ROBO2: variants seen among roughly 807,000 people sequenced by gnomAD.
ROBO2 encodes the protein roundabout guidance receptor 2.
ROBO2 carries 53 observed loss-of-function variants against 160.8 expected under a neutral mutation model. The ratio of observed to expected loss-of-function variants is 0.33; its 90% CI spans 0.26 to 0.41. The LOEUF (loss-of-function observed/expected upper bound fraction) is 0.41, where lower values mean the gene tolerates loss of function less well. ROBO2 is among the 10% of genes least tolerant of loss of function. ROBO2 has a pLI of 1.00. For synonymous variants in ROBO2, 664 were observed against 611.7 expected (o/e 1.09, Z -1.26); for missense variants, 1,577 against 1,722.4 (o/e 0.92, Z 1.49).
intron 2 of ROBO2, among the ~76,000 whole-genome samples, chr3:76,023,704 A>T (rs1180154263): frequency 2.6e-5 from 4 of 151,660 alleles, no homozygotes; most frequent in Admixed American, 1.3e-4. Flanking sequence ...ATATAATGAC[A>T]ATGAAAAAAT....
chr3:76,329,630 A>G lies in ROBO2; in HGVS notation c.109+392028A>G, dbSNP rs560443293. On this transcript the variant is annotated intron_variant, in intron 2 of 26. Coordinates refer to the ROBO2 transcript ENST00000487694. Reference sequence around the variant, plus strand: ...CTTGACTGTCTGACCTGGTGCAGTAACAGTTCAGAGTCAAAGGATACTTCT... The same window carrying G: ...CTTGACTGTCTGACCTGGTGCAGTAGCAGTTCAGAGTCAAAGGATACTTCT... Among the ~76,000 whole-genome samples the G allele has an allele frequency of 3.9e-5, 6 of 152,330 alleles. No homozygotes were observed. The South Asian group carries it at 1.2e-3, about 32-fold the overall frequency.
chr3:77,233,206 T>C (rs1049591674), intron 2 of ROBO2, among the ~76,000 whole-genome samples: 1 of 152,176 alleles, frequency 6.6e-6, no homozygotes, highest in Non-Finnish European at 1.5e-5. Context: ...TGTTTGAAAA[T>C]TCAAAGTGAA....
intron 2 of ROBO2, among the ~76,000 whole-genome samples, chr3:77,098,549 GTTA>G: frequency 6.6e-6 from 1 of 152,134 alleles, no homozygotes; most frequent in Admixed American, 6.5e-5. Context: ...TGACCAATAT[GTTA>G]TTATAAGAAA....
chr3:76,396,462 G>A (rs2077454570), intron 2 of ROBO2, among the ~76,000 whole-genome samples: 1 of 152,148 alleles, frequency 6.6e-6, no homozygotes, highest in Non-Finnish European at 1.5e-5. Context: ...AGTGTTGGAA[G>A]TTCTGGTCAG....
At chr3:76,709,440 A>T (rs1014639195) in intron 2 of ROBO2, among the ~76,000 whole-genome samples, 1 of 152,182 alleles carries the variant, frequency 6.6e-6, no homozygotes, top group African/African-American at 2.4e-5. Flanking sequence ...TCCTTTCATC[A>T]GGGAAGGAAA....
chr3:76,234,487 C>T lies in ROBO2; in HGVS notation c.109+296885C>T, dbSNP rs998646566. Among the ~76,000 whole-genome samples, 6 of 152,162 alleles carry T rather than the reference C, an allele frequency of 3.9e-5. No individual in the cohort carries two copies. In the South Asian group the frequency reaches 1.0e-3, roughly 26 times the overall value. Reference sequence around the variant, plus strand: ...TACAGTTAATTTTGGACAAACCTAACAGGTTTTCACCAGCAGCGTAAAAGT... The same window carrying T: ...TACAGTTAATTTTGGACAAACCTAATAGGTTTTCACCAGCAGCGTAAAAGT... On this transcript the variant is annotated intron_variant, in intron 2 of 26. Coordinates refer to the ROBO2 transcript ENST00000487694.
chr3:77,465,236 G>A (rs867993652), intron 2 of ROBO2, among the ~76,000 whole-genome samples: 10 of 152,140 alleles, frequency 6.6e-5, no homozygotes, highest in South Asian at 4.1e-4. Context: ...GAAGTGCCTC[G>A]ATCATGTCAA....
intron 2 of ROBO2, among the ~76,000 whole-genome samples, chr3:76,297,761 A>C (rs551232729): frequency 6.6e-6 from 1 of 150,690 alleles, no homozygotes; most frequent in South Asian, 2.1e-4. Context: ...AAATATATTT[A>C]ATTCCCAAAG....
At chr3:76,043,001 T>C (rs1269467663) in intron 2 of ROBO2, among the ~76,000 whole-genome samples, 2 of 151,996 alleles carry the variant, frequency 1.3e-5, no homozygotes, top group Admixed American at 6.5e-5. Context: ...ACTCGGTGTC[T>C]GAGGGGTTTT....
chr3:75,924,681 C>CTTTTTTTTTTTTTTTTTTTTTTTTTTTT (rs60599175), intron 1 of ROBO2, among the ~76,000 whole-genome samples: 1 of 66,014 alleles, frequency 1.5e-5, no homozygotes, highest in African/African-American at 6.8e-5. Flanking sequence ...ATTTTCTTTT[C>CTTTTTTTTTTTTTTTTTTTTTTTTTTTT]TTTTTTTTTT....
intron 5 of ROBO2, among the ~76,000 whole-genome samples, chr3:77,500,587 C>G (rs1284623656): frequency 6.6e-6 from 1 of 152,138 alleles, no homozygotes; most frequent in Admixed American, 6.5e-5. Flanking sequence ...GTAAGCCACA[C>G]ATAAAATGTC....
At chr3:75,982,702 C>T (rs1240910319) in intron 2 of ROBO2, among the ~76,000 whole-genome samples, 1 of 151,506 alleles carries the variant, frequency 6.6e-6, no homozygotes, top group Non-Finnish European at 1.5e-5. Context: ...TTGTGTTCTT[C>T]CTAGGATGAA....
At chr3:77,344,891 C>T (rs2153453804) in intron 2 of ROBO2, among the ~76,000 whole-genome samples, 1 of 151,928 alleles carries the variant, frequency 6.6e-6, no homozygotes. Flanking sequence ...TGATATATTC[C>T]TTATTTATTA....
intron 2 of ROBO2, among the ~76,000 whole-genome samples, chr3:76,065,686 T>A (rs1450347529): frequency 6.7e-6 from 1 of 148,252 alleles, no homozygotes; most frequent in Non-Finnish European, 1.5e-5. Context: ...CAGCCTGATA[T>A]GGGTTTTCAT....
intron 2 of ROBO2, among the ~76,000 whole-genome samples, chr3:76,176,671 C>T (rs556066672): frequency 6.6e-6 from 1 of 152,064 alleles, no homozygotes; most frequent in African/African-American, 2.4e-5. Context: ...ACTAAAAATA[C>T]TCCTTTTAAT....
chr3:77,245,311 C>T (rs1011824711), intron 2 of ROBO2, among the ~76,000 whole-genome samples: 4 of 152,252 alleles, frequency 2.6e-5, no homozygotes, highest in Middle Eastern at 3.4e-3. Flanking sequence ...CTTCTGAAAA[C>T]GCATTGCTAC....
rs773499305 is a variant in ROBO2 at position 77,098,390 on chromosome 3, A to C, written c.388+50A>C. ...GTGCACATTTACTTTTATTTATTTC[A>C]AGTAAGTTTTGATGTGTTCCCATAG... On this transcript the variant is annotated intron_variant, in intron 2 of 25. Coordinates refer to ENST00000461745, the Ensembl canonical transcript of ROBO2. 1.6e-5 allele frequency: 26 copies of C among 1,586,078 alleles called. No individual in the cohort carries two copies. In the South Asian group the frequency reaches 2.7e-4, roughly 16 times the overall value.
chr3:76,963,166 G>C (rs1198199027), intron 2 of ROBO2, among the ~76,000 whole-genome samples: 1 of 144,352 alleles, frequency 6.9e-6, no homozygotes, highest in Non-Finnish European at 1.5e-5. Flanking sequence ...AGATTATTTT[G>C]TATATTATCT....
intron 2 of ROBO2, among the ~76,000 whole-genome samples, chr3:76,616,762 G>C (rs1411171933): frequency 6.6e-6 from 1 of 152,140 alleles, no homozygotes; most frequent in Non-Finnish European, 1.5e-5. Flanking sequence ...GTTTGTTTAA[G>C]AGACAGGCCC....
Sources: gnomAD v4.1 joint callset for allele counts (sites outside exome capture counted in the v4.1 genomes callset) on GRCh38, gnomAD v4.1.1 for gene constraint, MANE v1.5 for transcripts, NCBI Gene and HGNC (gene_info 2026-07-23, HGNC 2026-07-21) for gene names.